EGFL6: variants seen among roughly 807,000 people sequenced by gnomAD.
The protein encoded by EGFL6 is EGF like domain multiple 6, also known as epidermal growth factor-like protein 6.
Under a neutral mutation model 43.1 loss-of-function variants are expected in EGFL6, and 42 were observed. The observed-to-expected ratio is 0.98, with a 90% confidence interval of 0.76 to 1.26. EGFL6 has a LOEUF of 1.26. Ranked by LOEUF, EGFL6 falls within the 50% of genes most tolerant of loss-of-function variation. The probability of loss-of-function intolerance (pLI) is 0.00; values close to 1 mark genes in which losing one functional copy is unlikely to be tolerated. For missense variants in EGFL6, 429 were observed against 427.8 expected, an observed-to-expected ratio of 1.00 and a Z score of -0.02; for synonymous variants, 164 against 163.2, an observed-to-expected ratio of 1.01 and a Z score of -0.04.
intron 1 of EGFL6, among the ~76,000 whole-genome samples, chrX:13,584,195 T>C (rs781188740): frequency 8.9e-6 from 1 of 111,764 alleles, no homozygotes; most frequent in Non-Finnish European, 1.9e-5. Context: ...AGAGCCAGAA[T>C]TCAAACCCAG....
intron 1 of EGFL6, among the ~76,000 whole-genome samples, chrX:13,584,275 A>C (rs1428336670): frequency 9.0e-6 from 1 of 111,283 alleles, no homozygotes. Context: ...CCACTCTCTT[A>C]CTAGAAAAAC....
chrX:13,628,819 C>T (rs868142771), intron 11 of EGFL6, among the ~76,000 whole-genome samples: 4 of 109,158 alleles, frequency 3.7e-5, no homozygotes, highest in Admixed American at 1.9e-4. Flanking sequence ...AAAAAAACCC[C>T]GAAAAAACAA....
intron 1 of EGFL6, among the ~76,000 whole-genome samples, chrX:13,586,160 A>C (rs1034319606): frequency 3.0e-5 from 2 of 66,542 alleles, no homozygotes; most frequent in Non-Finnish European, 6.1e-5. Context: ...CATGAAAGAC[A>C]CTTAATAGAG....
intron 5 of EGFL6, among the ~76,000 whole-genome samples, chrX:13,604,505 G>T (rs2045649790): frequency 9.0e-6 from 1 of 111,441 alleles, no homozygotes; most frequent in African/African-American, 3.3e-5. Flanking sequence ...AAAGCACAAT[G>T]TTGTAGGTGC....
Position 13,589,640 on chromosome X carries a change from G to A in EGFL6, c.159G>A (p.Trp53Ter). Reference sequence around the variant, plus strand: ...CTAAACTGGCCTGCTGCTACGGCTGGAGAAGAAACAGCAAGGGAGTCTGTG... The same window carrying A: ...CTAAACTGGCCTGCTGCTACGGCTGAAGAAGAAACAGCAAGGGAGTCTGTG... ...YGTKLACCYG[W>*]RRNSKGVCEA... Residue 53 changes from tryptophan (W) to a stop codon, truncating the protein, a stop_gained, in exon 2 of 12, where the codon TGG (tryptophan) becomes TGA (stop). Coordinates refer to ENST00000361306, the MANE Select transcript of EGFL6 (RefSeq NM_015507.4). LOFTEE classifies it high-confidence loss of function. The A allele has an allele frequency of 8.3e-7, 1 of 1,210,872 alleles. No homozygotes were observed. Among genetic ancestry groups the A allele is most frequent in the Non-Finnish European group, 1.1e-6 (1 of 894,896 alleles).
intron 1 of EGFL6, among the ~76,000 whole-genome samples, chrX:13,575,955 G>A (rs2045468941): frequency 8.9e-6 from 1 of 112,224 alleles, no homozygotes; most frequent in African/African-American, 3.2e-5. Context: ...TTTCAATGGA[G>A]TCAGGGACCC....
chrX:13,585,661 C>T (rs2045529759), intron 1 of EGFL6, among the ~76,000 whole-genome samples: 1 of 111,568 alleles, frequency 9.0e-6, no homozygotes, highest in South Asian at 3.8e-4. Flanking sequence ...GACAGATCAT[C>T]TCTAAGATTT....
chrX:13,600,228 G>T, intron 4 of EGFL6, 134 bp downstream of exon 4: 2 of 520,437 alleles, frequency 3.8e-6, no homozygotes, highest in Non-Finnish European at 2.8e-6. Flanking sequence ...AATGTTTTGT[G>T]GCACTTGTTT....
chrX:13,589,268 C>G (rs185167205), intron 1 of EGFL6, among the ~76,000 whole-genome samples: 2 of 111,882 alleles, frequency 1.8e-5, no homozygotes, highest in African/African-American at 6.5e-5. Flanking sequence ...CAGAGCAGAT[C>G]TGAAAAGTGA....
intron 1 of EGFL6, among the ~76,000 whole-genome samples, chrX:13,588,859 G>T (rs2045547502): frequency 8.9e-6 from 1 of 112,161 alleles, no homozygotes; most frequent in Admixed American, 9.5e-5. Flanking sequence ...TTTTGTACTT[G>T]GACAGATATC....
chrX:13,607,770 G>C (rs1337734979), intron 6 of EGFL6, among the ~76,000 whole-genome samples: 1 of 112,553 alleles, frequency 8.9e-6, no homozygotes, highest in Non-Finnish European at 1.9e-5. Context: ...CAAATGCATA[G>C]ATAGAAAATG....
chrX:13,578,590 T>C (rs1243908934), intron 1 of EGFL6, among the ~76,000 whole-genome samples: 1 of 110,575 alleles, frequency 9.0e-6, no homozygotes, highest in Non-Finnish European at 1.9e-5. Context: ...CATGGAATAC[T>C]ATGCAGCCAT....
At chrX:13,619,032 A>G in intron 8 of EGFL6, 131 bp from the exon 9 acceptor site, 1 of 483,118 alleles carries the variant, frequency 2.1e-6, no homozygotes, top group Non-Finnish European at 3.6e-6. Flanking sequence ...AATGTTAGGG[A>G]AACACTGCTC....
intron 5 of EGFL6, among the ~76,000 whole-genome samples, chrX:13,605,013 A>G (rs1052640158): frequency 9.4e-6 from 1 of 106,452 alleles, no homozygotes; most frequent in African/African-American, 3.4e-5. Flanking sequence ...TCTGAGAATA[A>G]TCAAAGGTTT....
chrX:13,618,988 A>G (rs1025033461), intron 8 of EGFL6, among the ~76,000 whole-genome samples, 175 bp from the exon 9 acceptor site: 4 of 112,433 alleles, frequency 3.6e-5, no homozygotes, highest in African/African-American at 9.7e-5. Context: ...GATGTTTTAG[A>G]TGAGGAAACT....
intron 2 of EGFL6, among the ~76,000 whole-genome samples, chrX:13,591,761 C>CCT (rs1201687785): frequency 2.7e-5 from 3 of 111,154 alleles, no homozygotes; most frequent in Non-Finnish European, 5.7e-5. Flanking sequence ...TGAAGCCCTG[C>CCT]CTCTATGTAT....
intron 2 of EGFL6, among the ~76,000 whole-genome samples, chrX:13,593,728 G>C (rs2045579914): frequency 8.9e-6 from 1 of 111,969 alleles, no homozygotes; most frequent in African/African-American, 3.2e-5. Flanking sequence ...TAGAAACAGG[G>C]ATAGGATGTT....
chrX:13,570,027 T>C, intron 1 of EGFL6, 92 bp downstream of exon 1: 6 of 827,725 alleles, frequency 7.2e-6, no homozygotes, highest in African/African-American at 2.0e-5. Flanking sequence ...CCCGCGTGTA[T>C]GGGTGTGAGT....
At chrX:13,575,111 A>AAAAC (rs77669729) in intron 1 of EGFL6, 2,614 of 110,291 alleles carry the variant, frequency 0.024, 58 homozygotes, top group Middle Eastern at 0.062. Context: ...AAGCTTATTT[A>AAAAC]AAACAAACAA....
Sources: gnomAD v4.1 joint callset for allele counts (sites outside exome capture counted in the v4.1 genomes callset) on GRCh38, gnomAD v4.1.1 for gene constraint, MANE v1.5 for transcripts, NCBI Gene and HGNC (gene_info 2026-07-23, HGNC 2026-07-21) for gene names.